The following ITGB5 variants were observed in gnomAD, a reference collection of about 807,000 sequenced individuals.
ITGB5 encodes the protein integrin subunit beta 5.
ITGB5 carries 38 observed loss-of-function variants against 84.8 expected under a neutral mutation model. That is an observed-to-expected ratio of 0.45 (90% CI 0.35 to 0.59). The LOEUF (loss-of-function observed/expected upper bound fraction) is 0.59, where lower values mean the gene tolerates loss of function less well. ITGB5 is among the 20% of genes least tolerant of loss of function. ITGB5 has a pLI of 0.01. For missense variants in ITGB5, 905 were observed against 1,034.5 expected (o/e 0.87, Z 1.72); for synonymous variants, 393 against 414.4 (o/e 0.95, Z 0.63).
chr3:124,899,338 G>A (rs1449399810), intron 1 of ITGB5, among the ~76,000 whole-genome samples: 1 of 152,136 alleles, frequency 6.6e-6, no homozygotes, highest in Admixed American at 6.5e-5. Flanking sequence ...CCCTCAGGAA[G>A]TTCAGGTGCA....
At chr3:124,805,765 T>A (rs895183686) in intron 9 of ITGB5, among the ~76,000 whole-genome samples, 6 of 151,864 alleles carry the variant, frequency 4.0e-5, no homozygotes, top group African/African-American at 1.2e-4. Context: ...TTTTTTTTTT[T>A]AATCACTGTT....
At chr3:124,777,627 G>T (rs1458865711) in intron 10 of ITGB5, among the ~76,000 whole-genome samples, 1 of 152,170 alleles carries the variant, frequency 6.6e-6, no homozygotes, top group East Asian at 1.9e-4. Flanking sequence ...CCTCATAGGA[G>T]TCTTCTCCAA....
chr3:124,819,806 TCTCCAAG>T lies in ITGB5; in HGVS notation c.964_970del (p.Leu322ArgfsTer14). On this transcript the variant is annotated frameshift_variant, in exon 7 of 15. Coordinates refer to ENST00000296181, the MANE Select transcript of ITGB5 (RefSeq NM_002213.5). LOFTEE classifies it high-confidence loss of function. Reference sequence around the variant, plus strand: ...GTTGATGTTGTTCTCTGCCAATTTCTCTCCAAGCAAGGCAAGGGATGGATAGTCCTAG... The same window carrying T: ...GTTGATGTTGTTCTCTGCCAATTTCTCAAGGCAAGGGATGGATAGTCCTAG... The T allele has an allele frequency of 6.2e-7, 1 of 1,614,052 alleles. No individual in the cohort carries two copies. The highest frequency in any genetic ancestry group is 8.5e-7 in the Non-Finnish European group (1 of 1,179,932).
At chr3:124,854,402 A>G (rs1374626578) in intron 3 of ITGB5, among the ~76,000 whole-genome samples, 9 of 152,244 alleles carry the variant, frequency 5.9e-5, no homozygotes, top group Non-Finnish European at 1.2e-4. Flanking sequence ...TAGTATATCT[A>G]TACCTCCACA....
At chr3:124,837,371 G>T (rs75471351) in intron 5 of ITGB5, among the ~76,000 whole-genome samples, 53 of 152,136 alleles carry the variant, frequency 3.5e-4, no homozygotes, top group African/African-American at 1.3e-3. Context: ...GTATAAACAG[G>T]TTCAATCATA....
intron 10 of ITGB5, among the ~76,000 whole-genome samples, chr3:124,774,600 C>A (rs1245653559): frequency 6.6e-6 from 1 of 152,214 alleles, no homozygotes; most frequent in East Asian, 1.9e-4. Flanking sequence ...AAAATGATTT[C>A]AGGCTTCTGA....
At chr3:124,772,182 G>A (rs3772822) in intron 11 of ITGB5, among the ~76,000 whole-genome samples, 2,005 of 152,218 alleles carry the variant, frequency 0.013, 34 homozygotes, top group South Asian at 0.045. Flanking sequence ...AACCTTCCCC[G>A]GGCTGTTTCT....
chr3:124,899,742 C>T (rs945774783), intron 1 of ITGB5, among the ~76,000 whole-genome samples: 11 of 150,342 alleles, frequency 7.3e-5, no homozygotes, highest in African/African-American at 2.4e-4. Context: ...GTGGTCCCAC[C>T]ACTCAGGAGG....
At chr3:124,767,747 C>A (rs778731002) in intron 12 of ITGB5, among the ~76,000 whole-genome samples, 23 of 152,154 alleles carry the variant, frequency 1.5e-4, no homozygotes, top group Non-Finnish European at 2.8e-4. Flanking sequence ...AGGCGCTCAA[C>A]GAATATGTGC....
intron 11 of ITGB5, chr3:124,769,855 T>C (rs2063817284): frequency 1.3e-5 from 2 of 152,222 alleles, no homozygotes; most frequent in African/African-American, 4.8e-5. Flanking sequence ...CCTTGTTCTT[T>C]AACAGGGGCC....
intron 8 of ITGB5, among the ~76,000 whole-genome samples, chr3:124,810,843 G>A (rs1163416643): frequency 6.6e-6 from 1 of 151,692 alleles, no homozygotes. Context: ...CCCTCCTCGG[G>A]TACACTCTAG....
At chr3:124,829,405 G>A (rs145038429) in intron 5 of ITGB5, among the ~76,000 whole-genome samples, 5 of 152,346 alleles carry the variant, frequency 3.3e-5, no homozygotes, top group East Asian at 3.9e-4. Flanking sequence ...CCAGGCATCC[G>A]GTCAGGGCTG....
At chr3:124,794,839 A>G (rs529774038) in intron 10 of ITGB5, among the ~76,000 whole-genome samples, 34 of 151,660 alleles carry the variant, frequency 2.2e-4, no homozygotes, top group Admixed American at 2.0e-3. Flanking sequence ...AAGGGAGGAG[A>G]AGGAGGAGGA....
chr3:124,865,975 T>C (rs1282867242), intron 2 of ITGB5, among the ~76,000 whole-genome samples: 1 of 152,018 alleles, frequency 6.6e-6, no homozygotes, highest in Non-Finnish European at 1.5e-5. Context: ...TATAATATGT[T>C]AACACCTGAC....
intron 9 of ITGB5, among the ~76,000 whole-genome samples, chr3:124,798,116 G>A (rs1305346229): frequency 7.2e-6 from 1 of 138,098 alleles, no homozygotes; most frequent in Non-Finnish European, 1.5e-5. Flanking sequence ...GCGGTGGCAT[G>A]CACTCAGCTC....
At position 124,773,833 on chromosome 3, in the gene ITGB5, G is replaced by A. The variant is rs764663936; in HGVS notation, c.1773C>T (p.Ile591=). ...GGCCATCTCTGCCCCGGCATGTGCT[G>A]ATGTCTGTCGAGCAGTTACAGTTGT... ...IGDNCNCSTD[I]STCRGRDGQI... Residue 591 remains isoleucine, a synonymous_variant, in exon 11 of 15, where the codon ATC becomes ATT. Coordinates refer to ENST00000296181, the MANE Select transcript of ITGB5 (RefSeq NM_002213.5). The A allele has an allele frequency of 1.9e-6, 3 of 1,614,164 alleles. No homozygotes were observed. In the East Asian group the frequency reaches 6.7e-5, roughly 36 times the overall value.
rs891437026 is a variant in ITGB5, at chr3:124,762,557, G to C, written c.*1066C>G. 6.6e-6 allele frequency: 1 copy of C among 152,226 alleles called. No homozygotes were observed. The highest frequency in any genetic ancestry group is 2.1e-4 in the South Asian group (1 of 4,828). 9.4% of individuals were successfully genotyped at this position (152,226 alleles called of 1,614,324 possible). Reference sequence around the variant, plus strand: ...TTTTTGCATTGGGCCTGCATGGGACGTAAGTGTTTCGGGAGTGAGGGGAGG... The same window carrying C: ...TTTTTGCATTGGGCCTGCATGGGACCTAAGTGTTTCGGGAGTGAGGGGAGG... On this transcript the variant is annotated 3_prime_UTR_variant, in exon 15 of 15. Transcript: ENST00000296181.
At chr3:124,779,725 G>C (rs1357943151) in intron 10 of ITGB5, among the ~76,000 whole-genome samples, 1 of 152,156 alleles carries the variant, frequency 6.6e-6, no homozygotes, top group Admixed American at 6.5e-5. Flanking sequence ...TTGCGGGTAG[G>C]GTTGTTGTGT....
chr3:124,810,244 G>C (rs1462553962), intron 8 of ITGB5, among the ~76,000 whole-genome samples: 1 of 152,166 alleles, frequency 6.6e-6, no homozygotes. Context: ...AGAAGGCAGA[G>C]ACAAAGGCAT....
Sources: gnomAD v4.1 joint callset for allele counts (sites outside exome capture counted in the v4.1 genomes callset) on GRCh38, gnomAD v4.1.1 for gene constraint, MANE v1.5 for transcripts, NCBI Gene and HGNC (gene_info 2026-07-23, HGNC 2026-07-21) for gene names.